The following RSPO3 variants were observed in gnomAD, a reference collection of about 807,000 sequenced individuals.
The protein encoded by RSPO3 is R-spondin-3.
A neutral mutation model predicts 36.5 loss-of-function variants in RSPO3; 17 were observed. The ratio of observed to expected loss-of-function variants is 0.47; its 90% CI spans 0.32 to 0.70. RSPO3 has a LOEUF of 0.70. RSPO3 is among the 30% of genes least tolerant of loss of function. The probability of loss-of-function intolerance (pLI) is 0.04; values close to 1 mark genes in which losing one functional copy is unlikely to be tolerated. For missense variants in RSPO3, 294 were observed against 322.5 expected (o/e 0.91, Z 0.68); for synonymous variants, 108 against 107.0 (o/e 1.01, Z -0.06).
chr6:127,144,643 G>GTTTTTTGTTTTTTTT (rs1774344031), intron 1 of RSPO3, among the ~76,000 whole-genome samples: 1 of 99,130 alleles, frequency 1.0e-5, no homozygotes, highest in Non-Finnish European at 2.0e-5. Context: ...GCTTCCCCTT[G>GTTTTTTGTTTTTTTT]TTTTTTTTTT....
intron 4 of RSPO3, among the ~76,000 whole-genome samples, chr6:127,178,546 A>T (rs902941349): frequency 6.6e-6 from 1 of 151,818 alleles, no homozygotes; most frequent in Non-Finnish European, 1.5e-5. Context: ...AAGGGCCAAC[A>T]TCATATAACA....
In RSPO3 at chr6:127,195,804, G is replaced by C. The variant is rs377665714; in HGVS notation, c.635-19G>C. The C allele has an allele frequency of 7.6e-6, 11 of 1,449,796 alleles. No homozygotes were observed. In the African/African-American group the frequency reaches 1.6e-4, roughly 21 times the overall value. The allele number at this position is 1,449,796 out of a possible 1,614,324, so 89.8% of individuals were successfully genotyped here. On this transcript the variant is annotated intron_variant, in intron 4 of 4. Coordinates refer to ENST00000356698, the MANE Select transcript of RSPO3 (RefSeq NM_032784.5). The stretch of plus-strand genomic sequence containing the variant: ...ACATAATTGAATGTAATTTTTAAAA[G>C]AGTATCCTTTCATTTCAGGAAAAAA...
At position 127,126,186 on chromosome 6, in the gene RSPO3, G is replaced by A. The variant is rs539527735; in HGVS notation, c.97+6897G>A. ...TGTTGGAAATCTGTTTCTCTTTTGA[G>A]GAGCCAGTAGGACGTTTAGGAACTC... On this transcript the variant is annotated intron_variant, in intron 1 of 4. Coordinates refer to ENST00000356698, the MANE Select transcript of RSPO3 (RefSeq NM_032784.5). Among the ~76,000 whole-genome samples, 8 of 152,152 alleles carry A rather than the reference G, an allele frequency of 5.3e-5. No individual in the cohort carries two copies. In the South Asian group the frequency reaches 1.5e-3, roughly 28 times the overall value.
chr6:127,133,588 T>G (rs564818571), intron 1 of RSPO3, among the ~76,000 whole-genome samples: 1 of 152,252 alleles, frequency 6.6e-6, no homozygotes, highest in South Asian at 2.1e-4. Flanking sequence ...CCTTTTCATT[T>G]TTGTAGCATG....
chr6:127,138,910 A>G (rs1008276189), intron 1 of RSPO3, among the ~76,000 whole-genome samples: 26 of 152,294 alleles, frequency 1.7e-4, no homozygotes, highest in African/African-American at 5.8e-4. Context: ...CAGACTCTAA[A>G]TGAGTGCAGA....
chr6:127,170,438 C>CAA (rs2114616124), intron 4 of RSPO3, among the ~76,000 whole-genome samples: 1 of 151,354 alleles, frequency 6.6e-6, no homozygotes, highest in East Asian at 2.0e-4. Context: ...CACACATACA[C>CAA]ACACACACAC....
chr6:127,160,448 C>T (rs1774688164), intron 4 of RSPO3, among the ~76,000 whole-genome samples: 1 of 152,208 alleles, frequency 6.6e-6, no homozygotes, highest in Admixed American at 6.5e-5. Flanking sequence ...TGGTGTTCAA[C>T]AGCAACTTTT....
chr6:127,150,948 A>T (rs1236234763), intron 3 of RSPO3, among the ~76,000 whole-genome samples: 5 of 151,830 alleles, frequency 3.3e-5, no homozygotes, highest in Non-Finnish European at 7.4e-5. Flanking sequence ...CTGTTATGTG[A>T]CATACATATA....
At chr6:127,122,942 T>C (rs1355352296) in intron 1 of RSPO3, among the ~76,000 whole-genome samples, 1 of 152,132 alleles carries the variant, frequency 6.6e-6, no homozygotes, top group Non-Finnish European at 1.5e-5. Flanking sequence ...TCGGTTTTAA[T>C]TGTTCAGACT....
intron 1 of RSPO3, among the ~76,000 whole-genome samples, chr6:127,146,142 A>T (rs1774378347): frequency 6.6e-6 from 1 of 152,124 alleles, no homozygotes; most frequent in South Asian, 2.1e-4. Flanking sequence ...TTCCTGAAGA[A>T]ATAAGGTTTG....
chr6:127,192,588 A>C, intron 4 of RSPO3: 2 of 848,238 alleles, frequency 2.4e-6, no homozygotes, highest in Non-Finnish European at 2.8e-6. Context: ...CTCAGATTGT[A>C]CTTGACTGCT....
chr6:127,167,570 C>A (rs1171019682), intron 4 of RSPO3, among the ~76,000 whole-genome samples: 1 of 151,686 alleles, frequency 6.6e-6, no homozygotes, highest in Non-Finnish European at 1.5e-5. Flanking sequence ...GTGACTAGTG[C>A]TGCAGTGAAC....
At chr6:127,155,891 TAC>T (rs1370562353) in intron 4 of RSPO3, among the ~76,000 whole-genome samples, 3 of 150,738 alleles carry the variant, frequency 2.0e-5, no homozygotes, top group African/African-American at 4.9e-5. Context: ...TATATATATA[TAC>T]ACACACACAC....
In RSPO3 at chr6:127,160,419, G is replaced by T. The variant is rs545763151; in HGVS notation, c.634+4981G>T. 7.2e-5 allele frequency among the ~76,000 whole-genome samples: 11 copies of T among 152,280 alleles called. No homozygotes were observed. In the South Asian group the frequency reaches 2.3e-3, roughly 32 times the overall value. On this transcript the variant is annotated intron_variant, in intron 4 of 4. Transcript: ENST00000356698. The stretch of plus-strand genomic sequence containing the variant: ...AGGGTTCTTGGCTTAGCCCAGAAAA[G>T]AATTCAAGGGTAAGCCAGTGGTGTT...
At chr6:127,172,186 A>C (rs1186873844) in intron 4 of RSPO3, among the ~76,000 whole-genome samples, 1 of 149,580 alleles carries the variant, frequency 6.7e-6, no homozygotes, top group African/African-American at 2.4e-5. Context: ...CAATTGGCTT[A>C]TTAATCATTA....
At chr6:127,156,473 T>G (rs1045644488) in intron 4 of RSPO3, among the ~76,000 whole-genome samples, 1 of 152,200 alleles carries the variant, frequency 6.6e-6, no homozygotes, top group Non-Finnish European at 1.5e-5. Flanking sequence ...TATGTAACTA[T>G]TGGTAGTTAT....
intron 1 of RSPO3, among the ~76,000 whole-genome samples, chr6:127,134,382 C>T (rs1227638025): frequency 6.6e-6 from 1 of 152,180 alleles, no homozygotes; most frequent in Non-Finnish European, 1.5e-5. Context: ...TGAACTTTCA[C>T]AATAGTTCAT....
At chr6:127,184,858 C>T (rs1182643741) in intron 4 of RSPO3, among the ~76,000 whole-genome samples, 1 of 151,600 alleles carries the variant, frequency 6.6e-6, no homozygotes, top group Non-Finnish European at 1.5e-5. Flanking sequence ...TAAAATTCAC[C>T]CCAAAAATAG....
rs545493714 is a variant in RSPO3, at chr6:127,185,625, G to C, written c.635-10198G>C. ...TTGCATGGAGTGAGACACATGATAC[G>C]TGGAGCAGCACAAATAAGAAACTGG... On this transcript the variant is annotated intron_variant, in intron 4 of 4. Transcript: ENST00000356698. Among the ~76,000 whole-genome samples, 21 of 152,104 alleles carry C rather than the reference G, an allele frequency of 1.4e-4. No homozygotes were observed. In the East Asian group the frequency reaches 4.1e-3, roughly 30 times the overall value.
Sources: gnomAD v4.1 joint callset for allele counts (sites outside exome capture counted in the v4.1 genomes callset) on GRCh38, gnomAD v4.1.1 for gene constraint, MANE v1.5 for transcripts, NCBI Gene and HGNC (gene_info 2026-07-23, HGNC 2026-07-21) for gene names.